GAREM1: variants seen among roughly 807,000 people sequenced by gnomAD.
GAREM1 encodes the protein GRB2 associated regulator of MAPK1 subtype 1.
GAREM1 carries 26 observed loss-of-function variants against 71.3 expected under a neutral mutation model. That is an observed-to-expected ratio of 0.36 (90% CI 0.27 to 0.51). The LOEUF (loss-of-function observed/expected upper bound fraction) is 0.51, where lower values mean the gene tolerates loss of function less well. GAREM1 is among the 20% of genes least tolerant of loss of function. The pLI is 0.95. For missense variants in GAREM1, 1,026 were observed against 1,103.1 expected (o/e 0.93, Z 0.99); for synonymous variants, 440 against 433.2 (o/e 1.02, Z -0.20).
At chr18:32,285,754 T>C (rs1195592705) in intron 4 of GAREM1, among the ~76,000 whole-genome samples, 1 of 152,234 alleles carries the variant, frequency 6.6e-6, no homozygotes, top group African/African-American at 2.4e-5. Flanking sequence ...ATCTGTTACC[T>C]TCCCTGTAAA....
chr18:32,275,674 G>A (rs1352888187), intron 4 of GAREM1, among the ~76,000 whole-genome samples: 5 of 152,270 alleles, frequency 3.3e-5, no homozygotes, highest in Middle Eastern at 3.4e-3. Flanking sequence ...CTCCTTCAGA[G>A]TAAGTCTATC....
At chr18:32,462,473 T>C (rs1054144300) in intron 1 of GAREM1, among the ~76,000 whole-genome samples, 12 of 152,208 alleles carry the variant, frequency 7.9e-5, no homozygotes, top group Admixed American at 7.9e-4. Context: ...ATTTGTCTTT[T>C]TGCTATGGAG....
chr18:32,420,275 C>T (rs1254357334), intron 1 of GAREM1, among the ~76,000 whole-genome samples: 1 of 151,912 alleles, frequency 6.6e-6, no homozygotes, highest in African/African-American at 2.4e-5. Flanking sequence ...ACTTTTCAAC[C>T]CTAGACAGGA....
At chr18:32,276,228 G>C (rs942557046) in intron 4 of GAREM1, among the ~76,000 whole-genome samples, 2 of 152,208 alleles carry the variant, frequency 1.3e-5, no homozygotes, top group Non-Finnish European at 2.9e-5. Context: ...AATAATGGGG[G>C]CTTAAAGCAA....
At chr18:32,294,780 C>T (rs1318476925) in intron 3 of GAREM1, among the ~76,000 whole-genome samples, 1 of 152,150 alleles carries the variant, frequency 6.6e-6, no homozygotes, top group East Asian at 1.9e-4. Context: ...ATAACTTACA[C>T]AAATGATGAA....
chr18:32,408,251 A>G (rs1412935469), intron 1 of GAREM1, among the ~76,000 whole-genome samples: 1 of 152,128 alleles, frequency 6.6e-6, no homozygotes, highest in Non-Finnish European at 1.5e-5. Context: ...TAAAATCACT[A>G]AAAATATTGT....
Position 32,288,011 on chromosome 18 carries a change from G to A in GAREM1, c.586C>T (p.Pro196Ser). The change falls in exon 4 of 6, where the codon CCG (proline) becomes TCG (serine). Residue 196 changes from proline (P) to serine (S), a missense_variant. Around this residue, in one of 3 missense-constraint regions of GAREM1, gnomAD observed 218 missense variants for 296.8 expected, o/e 0.73. Transcript: ENST00000269209. ...CGGTGATTCATACAAATGAGGCACG[G>A]CATTTTGCCTTTTCCCAGCTTGCTG... is the stretch of plus-strand genomic sequence containing the variant. ...SISKLGKGKM[P>S]CLICMNHRTN... 2 of 1,614,142 alleles carry A rather than the reference G, an allele frequency of 1.2e-6. No individual in the cohort carries two copies. Among genetic ancestry groups the A allele is most frequent in the Non-Finnish European group, 1.7e-6 (2 of 1,180,044 alleles).
At chr18:32,400,123 T>G (rs1173576612) in intron 1 of GAREM1, among the ~76,000 whole-genome samples, 3 of 152,162 alleles carry the variant, frequency 2.0e-5, no homozygotes, top group Admixed American at 6.5e-5. Flanking sequence ...TAGCCATATG[T>G]AGAAAGCTGA....
chr18:32,304,795 C>T (rs2047236063), intron 3 of GAREM1, among the ~76,000 whole-genome samples: 1 of 152,134 alleles, frequency 6.6e-6, no homozygotes, highest in Non-Finnish European at 1.5e-5. Context: ...CTGAACTCAC[C>T]CCTGAGTTCA....
At chr18:32,402,133 A>G (rs1263440487) in intron 1 of GAREM1, among the ~76,000 whole-genome samples, 1 of 152,196 alleles carries the variant, frequency 6.6e-6, no homozygotes, top group Non-Finnish European at 1.5e-5. Context: ...TTTGTGACAT[A>G]ATTATTCTGT....
intron 2 of GAREM1, among the ~76,000 whole-genome samples, chr18:32,327,329 TTAG>T (rs1417456804): frequency 6.6e-6 from 1 of 152,220 alleles, no homozygotes; most frequent in Non-Finnish European, 1.5e-5. Context: ...CATCAGATAA[TTAG>T]TAGATGGATT....
At chr18:32,381,987 C>T (rs776254937) in intron 2 of GAREM1, among the ~76,000 whole-genome samples, 36 of 152,332 alleles carry the variant, frequency 2.4e-4, no homozygotes, top group Middle Eastern at 3.4e-3. Context: ...TGTTAGAGCA[C>T]TCACAATCAC....
chr18:32,363,039 T>G (rs1304766960), intron 2 of GAREM1, among the ~76,000 whole-genome samples: 1 of 152,188 alleles, frequency 6.6e-6, no homozygotes, highest in Non-Finnish European at 1.5e-5. Flanking sequence ...AATTGTAGCT[T>G]GTAAGTATTC....
chr18:32,362,841 G>T (rs1338534163), intron 2 of GAREM1, among the ~76,000 whole-genome samples: 1 of 152,194 alleles, frequency 6.6e-6, no homozygotes, highest in South Asian at 2.1e-4. Flanking sequence ...CACTAATTAT[G>T]TGCTTACTCA....
At chr18:32,345,072 AAAAC>A (rs2047681634) in intron 2 of GAREM1, among the ~76,000 whole-genome samples, 1 of 152,194 alleles carries the variant, frequency 6.6e-6, no homozygotes, top group Admixed American at 6.5e-5. Flanking sequence ...GAAAAAAACA[AAAAC>A]AAAAACCAAA....
At chr18:32,272,148 C>A (rs965718297) in intron 4 of GAREM1, among the ~76,000 whole-genome samples, 1 of 151,946 alleles carries the variant, frequency 6.6e-6, no homozygotes, top group African/African-American at 2.4e-5. Flanking sequence ...GAAATGGGTT[C>A]ATGTTATCAC....
At chr18:32,315,782 GT>G (rs1056840154) in intron 2 of GAREM1, among the ~76,000 whole-genome samples, 1 of 152,078 alleles carries the variant, frequency 6.6e-6, no homozygotes, top group Admixed American at 6.6e-5. Context: ...GGAAAAAGAT[GT>G]ATTTCCTGAA....
chr18:32,467,892 T>A (rs2049013356), intron 1 of GAREM1, among the ~76,000 whole-genome samples: 1 of 151,994 alleles, frequency 6.6e-6, no homozygotes, highest in South Asian at 2.1e-4. Flanking sequence ...CAGCATGTCC[T>A]CAACCTGTCC....
intron 1 of GAREM1, among the ~76,000 whole-genome samples, chr18:32,436,771 A>G (rs148265122): frequency 3.9e-5 from 6 of 152,334 alleles, no homozygotes; most frequent in African/African-American, 1.2e-4. Context: ...CTCAAGTGTG[A>G]GAGATTTATT....
Sources: gnomAD v4.1 joint callset for allele counts (sites outside exome capture counted in the v4.1 genomes callset) on GRCh38, gnomAD v4.1.1 for gene constraint, gnomAD v4.1.1 regional missense constraint, MANE v1.5 for transcripts, NCBI Gene and HGNC (gene_info 2026-07-23, HGNC 2026-07-21) for gene names.